The following GABBR2 variants were observed in gnomAD, a reference collection of about 807,000 sequenced individuals.
GABBR2 encodes gamma-aminobutyric acid type B receptor subunit 2.
A neutral mutation model predicts 105.6 loss-of-function variants in GABBR2; 23 were observed. That is an observed-to-expected ratio of 0.22 (90% CI 0.16 to 0.31). GABBR2 has a LOEUF of 0.31. Among genes scored for constraint, GABBR2 ranks in the 10% least tolerant of loss-of-function variants. GABBR2 has a pLI of 1.00. For missense variants in GABBR2, 734 were observed against 1,245.5 expected, an observed-to-expected ratio of 0.59 and a Z score of 6.18; for synonymous variants, 478 against 499.7, an observed-to-expected ratio of 0.96 and a Z score of 0.58.
chr9:98,305,761 G>C (rs1253652375), intron 15 of GABBR2, among the ~76,000 whole-genome samples: 1 of 151,704 alleles, frequency 6.6e-6, no homozygotes, highest in African/African-American at 2.4e-5. Flanking sequence ...GTTGCAGTGA[G>C]CCGAGAGATC....
At chr9:98,363,926 T>C (rs544734186) in intron 12 of GABBR2, among the ~76,000 whole-genome samples, 27 of 152,150 alleles carry the variant, frequency 1.8e-4, no homozygotes, top group African/African-American at 5.8e-4. Context: ...TGTGATGGAG[T>C]AGTTCTGGAA....
At position 98,679,448 on chromosome 9, in the gene GABBR2, C is replaced by A. The variant is rs528545627; in HGVS notation, c.321+28969G>T. Among the ~76,000 whole-genome samples the A allele has an allele frequency of 3.3e-5, 5 of 152,338 alleles. No individual in the cohort carries two copies. In the South Asian group the frequency reaches 6.2e-4, roughly 19 times the overall value. ...CCACTATAATAGCAAAAGAATATCA[C>A]TCACAATAGTGACAAAGATTAAAAC... On this transcript the variant is annotated intron_variant, in intron 1 of 18. Coordinates refer to ENST00000259455, the MANE Select transcript of GABBR2 (RefSeq NM_005458.8).
intron 1 of GABBR2, among the ~76,000 whole-genome samples, chr9:98,667,130 C>G (rs1390817992): frequency 6.6e-6 from 1 of 152,166 alleles, no homozygotes; most frequent in Non-Finnish European, 1.5e-5. Flanking sequence ...CCATTTAAAT[C>G]AGCAGAGATG....
rs117116094 is a variant in GABBR2 at position 98,472,828 on chromosome 9, C to T, written c.999+318G>A. ...AATGACATCTTAGGTAAAAGGAGCA[C>T]GGGATGAACTTTTACAGAGTCTAAA... On this transcript the variant is annotated intron_variant, in intron 6 of 18. Transcript: ENST00000259455. Among the ~76,000 whole-genome samples the T allele has an allele frequency of 9.3e-3, 1,410 of 152,142 alleles. 9 individuals are homozygous for T. The highest frequency in any genetic ancestry group is 0.016 in the Non-Finnish European group (1,096 of 68,006).
At chr9:98,396,799 G>C (rs1384742756) in intron 8 of GABBR2, among the ~76,000 whole-genome samples, 1 of 152,180 alleles carries the variant, frequency 6.6e-6, no homozygotes, top group African/African-American at 2.4e-5. Flanking sequence ...CCGCACCCCG[G>C]CCACACAGCC....
chr9:98,622,551 G>A (rs150472683), intron 1 of GABBR2, among the ~76,000 whole-genome samples: 1 of 152,278 alleles, frequency 6.6e-6, no homozygotes, highest in East Asian at 1.9e-4. Context: ...TTCAAGAGAA[G>A]CAAGAGTGAT....
intron 18 of GABBR2, among the ~76,000 whole-genome samples, chr9:98,292,406 T>G (rs1355374825): frequency 6.6e-6 from 1 of 152,208 alleles, no homozygotes; most frequent in African/African-American, 2.4e-5. Context: ...TGGAGGCGAA[T>G]CAACTCATGG....
chr9:98,340,863 C>T (rs372040331), intron 13 of GABBR2, among the ~76,000 whole-genome samples: 1 of 152,218 alleles, frequency 6.6e-6, no homozygotes, highest in East Asian at 1.9e-4. Flanking sequence ...TTTAAAGACT[C>T]TTTTTGCTCA....
chr9:98,389,808 G>C (rs927164693), intron 9 of GABBR2, among the ~76,000 whole-genome samples: 3 of 152,150 alleles, frequency 2.0e-5, no homozygotes, highest in African/African-American at 7.2e-5. Flanking sequence ...AGCTTCCTGC[G>C]AATCCCTCTT....
intron 1 of GABBR2, among the ~76,000 whole-genome samples, chr9:98,586,736 C>T (rs1829082827): frequency 6.6e-6 from 1 of 152,214 alleles, no homozygotes; most frequent in Non-Finnish European, 1.5e-5. Context: ...TATGGCTCCA[C>T]ATTATGTTTG....
intron 1 of GABBR2, among the ~76,000 whole-genome samples, chr9:98,596,816 C>A (rs906018917): frequency 2.0e-5 from 3 of 152,166 alleles, no homozygotes; most frequent in African/African-American, 4.8e-5. Flanking sequence ...TTCTGCAAGA[C>A]CCCCTCCCCT....
intron 1 of GABBR2, among the ~76,000 whole-genome samples, chr9:98,590,906 G>C (rs1829137654): frequency 6.6e-6 from 1 of 152,184 alleles, no homozygotes; most frequent in Admixed American, 6.5e-5. Context: ...GGTTGGACCT[G>C]GAGTTAGAGA....
intron 1 of GABBR2, chr9:98,607,101 A>G (rs1349528220): frequency 6.3e-6 from 10 of 1,597,116 alleles, no homozygotes; most frequent in Non-Finnish European, 7.7e-6. Flanking sequence ...ACGCTATGGT[A>G]GTGGGTGGAA....
intron 1 of GABBR2, among the ~76,000 whole-genome samples, chr9:98,657,031 C>G (rs1830193494): frequency 6.6e-6 from 1 of 152,174 alleles, no homozygotes; most frequent in African/African-American, 2.4e-5. Context: ...AAAAACTGAG[C>G]CAACATTTTA....
intron 7 of GABBR2, among the ~76,000 whole-genome samples, chr9:98,443,379 T>G (rs1826066660): frequency 6.6e-6 from 1 of 152,234 alleles, no homozygotes; most frequent in Non-Finnish European, 1.5e-5. Context: ...TAGGCATCAA[T>G]TCAAACAAAT....
chr9:98,531,635 G>A (rs886337827), intron 3 of GABBR2, among the ~76,000 whole-genome samples: 2 of 152,234 alleles, frequency 1.3e-5, no homozygotes, highest in Non-Finnish European at 2.9e-5. Context: ...GCAGGGGTGG[G>A]TAGGACAGAG....
chr9:98,405,565 C>CT (rs1441350380), intron 8 of GABBR2, among the ~76,000 whole-genome samples: 3 of 152,164 alleles, frequency 2.0e-5, no homozygotes, highest in African/African-American at 7.2e-5. Context: ...ACAGTTATCC[C>CT]TAGGGATCCA....
intron 7 of GABBR2, among the ~76,000 whole-genome samples, chr9:98,418,937 A>G (rs576799984): frequency 6.6e-6 from 1 of 152,234 alleles, no homozygotes; most frequent in African/African-American, 2.4e-5. Flanking sequence ...TACGATTAGA[A>G]GTATTTGATT....
intron 13 of GABBR2, among the ~76,000 whole-genome samples, chr9:98,343,581 C>T (rs148675417): frequency 2.0e-3 from 304 of 152,218 alleles, no homozygotes; most frequent in African/African-American, 7.0e-3. Flanking sequence ...GAATCCTGGC[C>T]GGGCGCGGTG....
Sources: gnomAD v4.1 joint callset for allele counts (sites outside exome capture counted in the v4.1 genomes callset) on GRCh38, gnomAD v4.1.1 for gene constraint, MANE v1.5 for transcripts, NCBI Gene and HGNC (gene_info 2026-07-23, HGNC 2026-07-21) for gene names.